The following DNAAF11 variants were observed in gnomAD, a reference collection of about 807,000 sequenced individuals.
The protein encoded by DNAAF11 is leucine rich repeat containing 6.
DNAAF11 carries 45 observed loss-of-function variants against 60.8 expected under a neutral mutation model. That is an observed-to-expected ratio of 0.74 (90% confidence interval 0.58 to 0.95). The LOEUF (loss-of-function observed/expected upper bound fraction) is 0.95. DNAAF11 is among the 40% of genes least tolerant of loss of function. The pLI, the probability that DNAAF11 is intolerant of heterozygous loss-of-function variation, is 0.00. For synonymous variants in DNAAF11, 191 were observed against 183.5 expected (o/e 1.04, Z -0.33); for missense variants, 546 against 546.2 (o/e 1.00, Z 0.00).
At chr8:132,689,505 CTGAAA>C in the DNAAF11 span, among the ~76,000 whole-genome samples, 152,232 of 152,240 alleles carry the variant, frequency 1, 76,112 homozygotes, top group Middle Eastern at 1. Context: ...GTGTCATTCC[CTGAAA>C]TGAAATGAAC....
At position 132,675,469 on chromosome 8, in the gene DNAAF11, T is replaced by G. The variant is rs1586766684; in HGVS notation, c.10+15A>C. 5.1e-6 allele frequency: 8 copies of G among 1,562,966 alleles called. No homozygotes were observed. The highest frequency in any genetic ancestry group is 6.1e-6 in the Non-Finnish European group (7 of 1,151,284). ...AAGGGGAACGATCGAGGACGGAAGG[T>G]GGAGGGGGGCTTACTCCAGCCCATG... On this transcript the variant is annotated intron_variant, in intron 1 of 11. Transcript: ENST00000620350.
rs1437105498 is a variant in DNAAF11 at position 132,611,379 on chromosome 8, C to T, written c.975-16G>A. 1.4e-6 allele frequency: 2 copies of T among 1,480,352 alleles called. No individual in the cohort carries two copies. Among genetic ancestry groups the T allele is most frequent in the Non-Finnish European group, 9.4e-7 (1 of 1,064,282 alleles). The allele number at this position is 1,480,352 out of a possible 1,614,324, so 91.7% of individuals were successfully genotyped here. On this transcript the variant is annotated splice_polypyrimidine_tract_variant and intron_variant, in intron 8 of 11. Coordinates refer to ENST00000620350, the MANE Select transcript of DNAAF11 (RefSeq NM_012472.6). ...ATCCATATACCTTCAAAATTAAACA[C>T]AGAAAATCTTATAATTTTAAAAAAT...
At chr8:132,634,814 T>C (rs1464116687) in intron 4 of DNAAF11, among the ~76,000 whole-genome samples, 1 of 149,194 alleles carries the variant, frequency 6.7e-6, no homozygotes, top group African/African-American at 2.4e-5. Context: ...CATAAATACA[T>C]TATATATAAC....
At chr8:132,682,744 C>T in the DNAAF11 span, among the ~76,000 whole-genome samples, 4 of 152,126 alleles carry the variant, frequency 2.6e-5, no homozygotes, top group African/African-American at 4.8e-5. Context: ...AGAAAAAATA[C>T]TTATTTGGTT....
chr8:132,590,004 C>G (rs753814878), intron 10 of DNAAF11, among the ~76,000 whole-genome samples: 7 of 152,206 alleles, frequency 4.6e-5, no homozygotes, highest in African/African-American at 1.2e-4. Context: ...GCAGTACTTT[C>G]ATGTGGGTGT....
chr8:132,633,003 G>C lies in DNAAF11; in HGVS notation c.430-40C>G, dbSNP rs759699437. On this transcript the variant is annotated intron_variant, in intron 4 of 11. Transcript: ENST00000620350. The stretch of plus-strand genomic sequence containing the variant: ...ATAAATATAGTACAATTGTTCAAAA[G>C]TAGCAGTGTGAATCAGCCCCAGGTT... 3 of 1,426,740 alleles carry C rather than the reference G, an allele frequency of 2.1e-6. No individual in the cohort carries two copies. The African/African-American group carries it at 4.2e-5, about 20-fold the overall frequency. The allele number at this position is 1,426,740 out of a possible 1,614,324, so 88.4% of individuals were successfully genotyped here.
intron 3 of DNAAF11, among the ~76,000 whole-genome samples, chr8:132,648,940 G>A (rs544534435): frequency 1.9e-4 from 29 of 152,276 alleles, no homozygotes; most frequent in Admixed American, 5.2e-4. Flanking sequence ...ACTGCCCAAG[G>A]CAATTTATAG....
At chr8:132,691,888 G>C in the DNAAF11 span, among the ~76,000 whole-genome samples, 3,704 of 152,190 alleles carry the variant, frequency 0.024, 167 homozygotes, top group African/African-American at 0.084. Context: ...GGGGATGAGT[G>C]GTTTTAGATG....
chr8:132,633,369 C>G (rs1211558730), intron 4 of DNAAF11, among the ~76,000 whole-genome samples: 1 of 152,088 alleles, frequency 6.6e-6, no homozygotes, highest in African/African-American at 2.4e-5. Flanking sequence ...GGCTCTAATA[C>G]AAATGAGCCC....
At chr8:132,633,275 C>T (rs1820985721) in intron 4 of DNAAF11, among the ~76,000 whole-genome samples, 1 of 151,918 alleles carries the variant, frequency 6.6e-6, no homozygotes. Flanking sequence ...ATGCTTAAGT[C>T]AAATCATAGC....
intron 10 of DNAAF11, among the ~76,000 whole-genome samples, chr8:132,586,498 G>A (rs4368956): frequency 0.01 from 1,568 of 152,280 alleles, 29 homozygotes; most frequent in African/African-American, 0.036. Context: ...GTGATGGGAT[G>A]CCGGGATTCT....
At chr8:132,654,739 C>G (rs1034607041) in intron 3 of DNAAF11, among the ~76,000 whole-genome samples, 3 of 147,108 alleles carry the variant, frequency 2.0e-5, no homozygotes, top group Admixed American at 6.7e-5. Flanking sequence ...TGAATTAAAA[C>G]AAAAGCACAA....
chr8:132,607,334 T>C (rs912074102), intron 10 of DNAAF11, among the ~76,000 whole-genome samples: 2 of 152,178 alleles, frequency 1.3e-5, no homozygotes, highest in South Asian at 2.1e-4. Context: ...ACCGTGATAT[T>C]TGTGTATTAC....
chr8:132,693,580 A>C, the DNAAF11 span, among the ~76,000 whole-genome samples: 1 of 152,024 alleles, frequency 6.6e-6, no homozygotes, highest in African/African-American at 2.4e-5. Context: ...CAAGAAGCTT[A>C]TATTAATACA....
At position 132,616,312 on chromosome 8, in the gene DNAAF11, T is replaced by C. The variant is rs1819147060; in HGVS notation, c.915-1215A>G. Among the ~76,000 whole-genome samples, 3 of 152,256 alleles carry C rather than the reference T, an allele frequency of 2.0e-5. No individual in the cohort carries two copies. In the South Asian group the frequency reaches 6.2e-4, roughly 32 times the overall value. ...CTTAAGAAAAGGAGCGTGTATCCTT[T>C]CTTCCCTTTTTTCTTCTTTATTTAG... On this transcript the variant is annotated intron_variant, in intron 7 of 11. Transcript: ENST00000620350.
chr8:132,646,000 A>C (rs891767066), intron 3 of DNAAF11, among the ~76,000 whole-genome samples: 2 of 152,178 alleles, frequency 1.3e-5, no homozygotes, highest in South Asian at 2.1e-4. Context: ...CACAAAGATA[A>C]TCCTTGAGAA....
At chr8:132,662,977 A>T (rs531357141) in intron 1 of DNAAF11, among the ~76,000 whole-genome samples, 74 of 152,346 alleles carry the variant, frequency 4.9e-4, no homozygotes, top group African/African-American at 1.8e-3. Flanking sequence ...TAGTGGTAGG[A>T]GATACGGGTG....
At position 132,638,074 on chromosome 8, in the gene DNAAF11, AC is replaced by A; in HGVS notation, c.289del (p.Val97Ter). ...GCTGCTCAGCTCTCCAATGAAATTCACAGTCAGGTCAAGTTTTGCCAGCTCT... is the reference window on the plus strand; with the variant it reads ...GCTGCTCAGCTCTCCAATGAAATTCAAGTCAGGTCAAGTTTTGCCAGCTCT... ...CEELAKLDLTVNFIGELSSIK... is the reference protein window; with the variant it reads ...CEELAKLDLTXNFIGELSSIK... On this transcript the variant is annotated frameshift_variant, in exon 4 of 12. Transcript: ENST00000620350. LOFTEE classifies it high-confidence loss of function. The A allele has an allele frequency of 6.2e-7, 1 of 1,614,140 alleles. No individual in the cohort carries two copies. Among genetic ancestry groups the A allele is most frequent in the South Asian group, 1.1e-5 (1 of 91,044 alleles).
At chr8:132,617,936 G>GA (rs1357751727) in intron 7 of DNAAF11, among the ~76,000 whole-genome samples, 2 of 148,974 alleles carry the variant, frequency 1.3e-5, no homozygotes, top group African/African-American at 5.0e-5. Context: ...CACAGAATTG[G>GA]AAAAAACTAC....
Sources: allele counts gnomAD v4.1 joint callset (sites outside exome capture counted in the v4.1 genomes callset), GRCh38; gene constraint gnomAD v4.1.1; transcripts MANE v1.5; gene names NCBI Gene and HGNC (gene_info 2026-07-23, HGNC 2026-07-21).